TENM3: variants seen among roughly 807,000 people sequenced by gnomAD.
The protein encoded by TENM3 is teneurin-3.
Under a neutral mutation model 255.1 loss-of-function variants are expected in TENM3, and 63 were observed. That is an observed-to-expected ratio of 0.25 (90% CI 0.20 to 0.30). The LOEUF (loss-of-function observed/expected upper bound fraction) is 0.30. Ranked by LOEUF, TENM3 falls within the 10% of genes least tolerant of loss-of-function variation. The probability of loss-of-function intolerance (pLI) is 1.00; values close to 1 mark genes in which losing one functional copy is unlikely to be tolerated. For synonymous variants in TENM3, 1,306 were observed against 1,322.3 expected (o/e 0.99, Z 0.27); for missense variants, 2,929 against 3,461.1 (o/e 0.85, Z 3.86).
At chr4:182,527,605 A>C (rs1245775694) in intron 3 of TENM3, among the ~76,000 whole-genome samples, 1 of 152,228 alleles carries the variant, frequency 6.6e-6, no homozygotes. Flanking sequence ...ATGATCTCAC[A>C]GATAGAAGAA....
the TENM3 span, among the ~76,000 whole-genome samples, chr4:181,938,209 A>T: frequency 6.6e-6 from 1 of 152,210 alleles, no homozygotes; most frequent in African/African-American, 2.4e-5. Flanking sequence ...CTGTCATGTT[A>T]TCAGATGTCT....
At chr4:182,719,766 C>T (rs754694968) in intron 13 of TENM3, among the ~76,000 whole-genome samples, 8 of 152,016 alleles carry the variant, frequency 5.3e-5, no homozygotes, top group East Asian at 1.9e-4. Flanking sequence ...AAATACAATT[C>T]GAACTGCAAG....
chr4:182,459,132 A>G (rs1484634192), intron 3 of TENM3, among the ~76,000 whole-genome samples: 1 of 152,200 alleles, frequency 6.6e-6, no homozygotes, highest in East Asian at 1.9e-4. Context: ...GCCTTCCTTC[A>G]CAGGCTTGAC....
chr4:182,538,583 C>A (rs1740562552), intron 3 of TENM3, among the ~76,000 whole-genome samples: 1 of 152,176 alleles, frequency 6.6e-6, no homozygotes, highest in South Asian at 2.1e-4. Context: ...GGACTTGGAT[C>A]TTTGGCCAGA....
At chr4:182,631,556 G>T (rs1443220334) in intron 5 of TENM3, 1 of 152,162 alleles carries the variant, frequency 6.6e-6, no homozygotes, top group African/African-American at 2.4e-5. Context: ...AGGGAAGGCT[G>T]TCCTTTTCTG....
chr4:182,493,895 GT>G (rs1735523970), intron 3 of TENM3, among the ~76,000 whole-genome samples: 1 of 151,994 alleles, frequency 6.6e-6, no homozygotes, highest in African/African-American at 2.4e-5. Context: ...AATAATATTG[GT>G]TTTTTAAAAA....
the TENM3 span, among the ~76,000 whole-genome samples, chr4:182,050,572 G>A: frequency 6.6e-6 from 1 of 152,288 alleles, no homozygotes; most frequent in Middle Eastern, 3.4e-3. Flanking sequence ...GGGAGGCCAA[G>A]GCAGACGGAT....
intron 3 of TENM3, among the ~76,000 whole-genome samples, chr4:182,359,986 G>C (rs1765845839): frequency 6.6e-6 from 1 of 152,142 alleles, no homozygotes; most frequent in Non-Finnish European, 1.5e-5. Flanking sequence ...GTACCCAATA[G>C]TCATTCAGGA....
At position 182,682,514 on chromosome 4, in the gene TENM3, G is replaced by A. The variant is rs548638743; in HGVS notation, c.2035+500G>A. 2.0e-5 allele frequency among the ~76,000 whole-genome samples: 3 copies of A among 152,248 alleles called. No individual in the cohort carries two copies. The East Asian group carries it at 5.8e-4, about 29-fold the overall frequency. The stretch of plus-strand genomic sequence containing the variant: ...CATGGTTATAATAGAAATAAGACAA[G>A]GTAATTTCATTCAATCAGCCAAGTT... On this transcript the variant is annotated intron_variant, in intron 11 of 27. Coordinates refer to ENST00000511685, the MANE Select transcript of TENM3 (RefSeq NM_001080477.4).
intron 7 of TENM3, among the ~76,000 whole-genome samples, chr4:182,674,903 T>C (rs1029136933): frequency 4.0e-5 from 6 of 148,198 alleles, no homozygotes; most frequent in Non-Finnish European, 6.0e-5. Context: ...TGAGATGGAG[T>C]TTTGCTCTTG....
Position 182,183,853 on chromosome 4 carries a change from G to C in TENM3, c.-76+39099G>C, listed in dbSNP as rs185621590. On this transcript the variant is annotated intron_variant, in intron 1 of 2. Coordinates refer to the TENM3 transcript ENST00000512480. Reference sequence around the variant, plus strand: ...TTGGTCTTTTACATTCTAGTCTTCAGTGGGGAATAAATAGCAAACATATGA... The same window carrying C: ...TTGGTCTTTTACATTCTAGTCTTCACTGGGGAATAAATAGCAAACATATGA... Among the ~76,000 whole-genome samples the C allele has an allele frequency of 4.6e-5, 7 of 152,140 alleles. No homozygotes were observed. The East Asian group carries it at 1.2e-3, about 25-fold the overall frequency.
intron 3 of TENM3, among the ~76,000 whole-genome samples, chr4:182,386,793 C>A (rs978237788): frequency 6.6e-6 from 1 of 152,226 alleles, no homozygotes; most frequent in Non-Finnish European, 1.5e-5. Context: ...TCCCGCGGGG[C>A]AGGCCTCCGG....
At chr4:182,364,557 C>G (rs1435124998) in intron 3 of TENM3, among the ~76,000 whole-genome samples, 1 of 152,050 alleles carries the variant, frequency 6.6e-6, no homozygotes, top group South Asian at 2.1e-4. Context: ...GCTGGGACTA[C>G]GGGCGCCCAC....
intron 3 of TENM3, among the ~76,000 whole-genome samples, chr4:182,360,179 GA>G (rs550426224): frequency 7.4e-6 from 1 of 135,168 alleles, no homozygotes; most frequent in Admixed American, 7.7e-5. Flanking sequence ...GTGTGGTGCT[GA>G]AAAAAATGTA....
the TENM3 span, among the ~76,000 whole-genome samples, chr4:181,530,554 AT>A: frequency 1.1e-4 from 16 of 152,150 alleles, no homozygotes; most frequent in South Asian, 2.1e-4. Context: ...CATACAAAGC[AT>A]TTTTCCCCCC....
intron 13 of TENM3, among the ~76,000 whole-genome samples, chr4:182,721,538 G>T: frequency 6.6e-6 from 1 of 152,200 alleles, no homozygotes; most frequent in Non-Finnish European, 1.5e-5. Flanking sequence ...GCGAATCTGT[G>T]TGTGTGTGTG....
At chr4:181,889,305 C>G in the TENM3 span, among the ~76,000 whole-genome samples, 2 of 152,086 alleles carry the variant, frequency 1.3e-5, no homozygotes, top group Admixed American at 6.5e-5. Flanking sequence ...CCTGCTCTCT[C>G]GCTTCCACTC....
chr4:182,075,857 C>A, the TENM3 span, among the ~76,000 whole-genome samples: 1 of 152,158 alleles, frequency 6.6e-6, no homozygotes, highest in Non-Finnish European at 1.5e-5. Context: ...TATGCATTTT[C>A]CCCTCAAATA....
chr4:182,654,796 T>C (rs892106528), intron 6 of TENM3, among the ~76,000 whole-genome samples: 1 of 152,218 alleles, frequency 6.6e-6, no homozygotes, highest in Non-Finnish European at 1.5e-5. Flanking sequence ...AATGAACTTA[T>C]TATATGTTGC....
Sources: allele counts gnomAD v4.1 joint callset (sites outside exome capture counted in the v4.1 genomes callset), GRCh38; gene constraint gnomAD v4.1.1; transcripts MANE v1.5; gene names NCBI Gene and HGNC (gene_info 2026-07-23, HGNC 2026-07-21).